Variants in DCLK1 observed in about 807,000 individuals in gnomAD.
The protein encoded by DCLK1 is serine/threonine-protein kinase DCLK1.
DCLK1 carries 16 observed loss-of-function variants against 86.2 expected under a neutral mutation model. The observed-to-expected ratio is 0.19, with a 90% CI of 0.13 to 0.28. DCLK1 has a LOEUF of 0.28. Among genes scored for constraint, DCLK1 ranks in the 10% least tolerant of loss-of-function variants. DCLK1 has a pLI of 1.00. For missense variants in DCLK1, 590 were observed against 940.2 expected, an observed-to-expected ratio of 0.63 and a Z score of 4.87; for synonymous variants, 369 against 370.5, an observed-to-expected ratio of 1.00 and a Z score of 0.05.
chr13:36,126,127 C>A lies in DCLK1; in HGVS notation c.11G>T (p.Gly4Val). The change falls in exon 2 of 17, where the codon GGC becomes GTC. Residue 4 changes from glycine (G) to valine (V), a missense_variant. By Grantham distance (109) the Gly-to-Val change is moderately radical. This residue lies in a region of DCLK1 where 50 missense variants were observed against 47.8 expected (regional missense o/e 1.05). Coordinates refer to ENST00000360631, the MANE Select transcript of DCLK1 (RefSeq NM_001330071.2). ...GAAGTGCTCCAGCTCCATGTCTCTG[C>A]CGAAGGACATGATGGACTTCAAGTA... The part of the protein sequence containing the change: MSF[G>V]RDMELEHFDE... The A allele has an allele frequency of 6.3e-7, 1 of 1,591,458 alleles. No homozygotes were observed. The highest frequency in any genetic ancestry group is 1.1e-5 in the South Asian group (1 of 88,764).
rs79545312 is a variant in DCLK1 at position 35,986,608 on chromosome 13, A to G, written c.724-39151T>C. ...CTCTTTCACACACAAAAACCACAGC[A>G]CTTTTCACAATCTGCCTGACATTAG... On this transcript the variant is annotated intron_variant, in intron 3 of 16. Transcript: ENST00000360631. Among the ~76,000 whole-genome samples, 890 of 152,234 alleles carry G rather than the reference A, an allele frequency of 5.8e-3. 8 individuals carry two copies. The highest frequency in any genetic ancestry group is 0.021 in the African/African-American group (854 of 41,538).
At chr13:36,128,302 A>G (rs954801150) in intron 1 of DCLK1, among the ~76,000 whole-genome samples, 13 of 152,230 alleles carry the variant, frequency 8.5e-5, no homozygotes, top group African/African-American at 3.1e-4. Flanking sequence ...AGGTAATATT[A>G]TTAATATTCA....
At chr13:35,830,232 A>T (rs867226603) in intron 8 of DCLK1, among the ~76,000 whole-genome samples, 1 of 152,108 alleles carries the variant, frequency 6.6e-6, no homozygotes, top group Non-Finnish European at 1.5e-5. Flanking sequence ...CTAAAAAAAA[A>T]ATACAAAAAT....
chr13:36,056,904 AAAATAT>A (rs1274435102), intron 3 of DCLK1, among the ~76,000 whole-genome samples: 2 of 127,428 alleles, frequency 1.6e-5, no homozygotes, highest in Non-Finnish European at 3.5e-5. Context: ...AAAAAAAAAA[AAAATAT>A]ATATATATAT....
At chr13:36,024,003 C>T (rs1331382906) in intron 3 of DCLK1, among the ~76,000 whole-genome samples, 2 of 147,348 alleles carry the variant, frequency 1.4e-5, no homozygotes, top group African/African-American at 2.5e-5. Context: ...TCAAGTGGTT[C>T]TCCTGCCTCA....
chr13:36,084,305 G>A (rs1037344715), intron 3 of DCLK1, among the ~76,000 whole-genome samples: 2 of 152,130 alleles, frequency 1.3e-5, no homozygotes, highest in Admixed American at 1.3e-4. Context: ...ATGATTCTTG[G>A]TTTTAGAAAC....
intron 16 of DCLK1, among the ~76,000 whole-genome samples, chr13:35,780,796 C>G: frequency 6.6e-6 from 1 of 152,346 alleles, no homozygotes; most frequent in Middle Eastern, 3.4e-3. Context: ...ATAATGCCAG[C>G]TATCTCAGCA....
At chr13:35,850,395 G>T in intron 6 of DCLK1, 2 of 1,025,116 alleles carry the variant, frequency 2.0e-6, no homozygotes, top group South Asian at 4.6e-5. Flanking sequence ...GCTCTATATT[G>T]CCACATGGTT....
intron 8 of DCLK1, among the ~76,000 whole-genome samples, chr13:35,830,905 C>T (rs1036014011): frequency 6.6e-6 from 1 of 152,176 alleles, no homozygotes; most frequent in Non-Finnish European, 1.5e-5. Flanking sequence ...ATGCTCTTTT[C>T]CCTTGAAGGA....
intron 1 of DCLK1, among the ~76,000 whole-genome samples, chr13:36,127,813 T>C (rs146257349): frequency 6.6e-6 from 1 of 152,196 alleles, no homozygotes; most frequent in African/African-American, 2.4e-5. Context: ...TCATCCTTGC[T>C]GAGGGGTTGG....
chr13:35,841,134 T>C (rs1281359854), intron 6 of DCLK1, among the ~76,000 whole-genome samples: 2 of 152,198 alleles, frequency 1.3e-5, no homozygotes, highest in East Asian at 1.9e-4. Context: ...TGGAGACACA[T>C]GGTGTGGTTT....
At chr13:36,083,821 G>A (rs1884502576) in intron 3 of DCLK1, among the ~76,000 whole-genome samples, 2 of 152,126 alleles carry the variant, frequency 1.3e-5, no homozygotes, top group Admixed American at 6.5e-5. Context: ...TCTAAGCTAG[G>A]AAGAGAAAAC....
At chr13:35,962,008 T>C (rs932518819) in intron 3 of DCLK1, among the ~76,000 whole-genome samples, 4 of 152,252 alleles carry the variant, frequency 2.6e-5, no homozygotes, top group Non-Finnish European at 5.9e-5. Context: ...TTGAAATTAT[T>C]TGTAGTGTTA....
At chr13:35,838,311 C>T (rs1002952782) in intron 7 of DCLK1, among the ~76,000 whole-genome samples, 7 of 151,282 alleles carry the variant, frequency 4.6e-5, no homozygotes, top group South Asian at 2.1e-4. Context: ...GTACTTTTTT[C>T]GGAAAAAAAA....
intron 16 of DCLK1, among the ~76,000 whole-genome samples, chr13:35,792,750 C>T (rs1014289844): frequency 2.0e-5 from 3 of 152,098 alleles, no homozygotes; most frequent in Admixed American, 6.6e-5. Context: ...TGTATGTCTG[C>T]ATGTATAGAA....
At chr13:35,805,889 A>G in intron 14 of DCLK1, 110 bp from the exon 15 acceptor site, 2 of 877,668 alleles carry the variant, frequency 2.3e-6, no homozygotes, top group Non-Finnish European at 3.4e-6. Flanking sequence ...TAAAAGCTCT[A>G]AATCTTAAAT....
intron 3 of DCLK1, among the ~76,000 whole-genome samples, chr13:35,967,197 C>T (rs989784511): frequency 2.0e-5 from 3 of 151,260 alleles, no homozygotes; most frequent in African/African-American, 7.3e-5. Flanking sequence ...CTGGCGGCCC[C>T]GTCTGAGAAC....
At chr13:35,901,806 C>T (rs1318048695) in intron 4 of DCLK1, among the ~76,000 whole-genome samples, 1 of 152,146 alleles carries the variant, frequency 6.6e-6, no homozygotes, top group African/African-American at 2.4e-5. Flanking sequence ...AGGGGACTCA[C>T]TCACTGCCAA....
intron 3 of DCLK1, among the ~76,000 whole-genome samples, chr13:36,043,272 A>G (rs1349614585): frequency 6.6e-6 from 1 of 152,030 alleles, no homozygotes; most frequent in Admixed American, 6.6e-5. Context: ...GAAAGAGAGT[A>G]TTCTGAAAAA....
Sources: gnomAD v4.1 joint callset for allele counts (sites outside exome capture counted in the v4.1 genomes callset) on GRCh38, gnomAD v4.1.1 for gene constraint, gnomAD v4.1.1 regional missense constraint, MANE v1.5 for transcripts, NCBI Gene and HGNC (gene_info 2026-07-23, HGNC 2026-07-21) for gene names.